Variants in SEMA5A observed in about 807,000 individuals in gnomAD.
SEMA5A encodes the protein semaphorin 5A, also known as semaphorin-5A.
Under a neutral mutation model 135.5 loss-of-function variants are expected in SEMA5A, and 55 were observed. The ratio of observed to expected loss-of-function variants is 0.41; its 90% CI spans 0.33 to 0.51. The LOEUF is 0.51. Among genes scored for constraint, SEMA5A ranks in the 20% least tolerant of loss-of-function variants. The pLI, the probability that SEMA5A is intolerant of heterozygous loss-of-function variation, is 0.37. For synonymous variants in SEMA5A, 580 were observed against 546.5 expected, an observed-to-expected ratio of 1.06 and a Z score of -0.85; for missense variants, 1,290 against 1,419.9, an observed-to-expected ratio of 0.91 and a Z score of 1.47.
chr5:9,483,111 G>T (rs976387209), intron 1 of SEMA5A, among the ~76,000 whole-genome samples: 1 of 152,096 alleles, frequency 6.6e-6, no homozygotes, highest in Non-Finnish European at 1.5e-5. Flanking sequence ...TGCTGTTCAT[G>T]GCATTTAGTG....
intron 11 of SEMA5A, among the ~76,000 whole-genome samples, chr5:9,181,763 C>G (rs1175563558): frequency 2.0e-5 from 3 of 152,102 alleles, no homozygotes; most frequent in African/African-American, 7.2e-5. Context: ...TTTACAGATG[C>G]ATTTCCCCAT....
chr5:9,385,727 G>A (rs1320501595), intron 2 of SEMA5A, among the ~76,000 whole-genome samples: 1 of 150,246 alleles, frequency 6.7e-6, no homozygotes, highest in Non-Finnish European at 1.5e-5. Context: ...ATTAGGAACA[G>A]TTACAGATTG....
At chr5:9,062,442 A>G (rs1179729398) in intron 18 of SEMA5A, among the ~76,000 whole-genome samples, 1 of 152,190 alleles carries the variant, frequency 6.6e-6, no homozygotes, top group Non-Finnish European at 1.5e-5. Context: ...AGGTGATGAC[A>G]TCACACAAGA....
chr5:9,040,918 G>C lies in SEMA5A; in HGVS notation c.*1979C>G, dbSNP rs1010872697. On this transcript the variant is annotated 3_prime_UTR_variant, in exon 23 of 23. Coordinates refer to ENST00000382496, the MANE Select transcript of SEMA5A (RefSeq NM_003966.3). ...TTTTCTTACAAGAAACTGATGAGATGAGTTGAAATATCTGATGATGAAAAT... is the reference window on the plus strand; with the variant it reads ...TTTTCTTACAAGAAACTGATGAGATCAGTTGAAATATCTGATGATGAAAAT... The C allele has an allele frequency of 6.6e-6, 1 of 152,238 alleles. No individual in the cohort carries two copies. Among genetic ancestry groups the C allele is most frequent in the Non-Finnish European group, 1.5e-5 (1 of 68,042 alleles). The allele number at this position is 152,238 out of a possible 1,614,324, so 9.4% of individuals were successfully genotyped here.
At chr5:9,053,549 T>C (rs964128452) in intron 19 of SEMA5A, among the ~76,000 whole-genome samples, 6 of 152,132 alleles carry the variant, frequency 3.9e-5, no homozygotes, top group Admixed American at 2.0e-4. Flanking sequence ...TTAGAAGTCA[T>C]TCCTGGAACA....
chr5:9,434,453 A>G (rs1227805720), intron 2 of SEMA5A, among the ~76,000 whole-genome samples: 2 of 152,112 alleles, frequency 1.3e-5, no homozygotes, highest in East Asian at 3.8e-4. Context: ...TGTAAAAATA[A>G]TAATACTCCT....
chr5:9,463,897 G>T (rs535286496), intron 1 of SEMA5A, among the ~76,000 whole-genome samples: 3 of 152,164 alleles, frequency 2.0e-5, no homozygotes, highest in African/African-American at 7.2e-5. Flanking sequence ...TTGTGGCTTT[G>T]GGGGAACATT....
chr5:9,046,766 G>C (rs1172424092), intron 21 of SEMA5A, among the ~76,000 whole-genome samples: 1 of 152,220 alleles, frequency 6.6e-6, no homozygotes, highest in Non-Finnish European at 1.5e-5. Flanking sequence ...GGACTTTGGA[G>C]CTGGATCTGC....
At chr5:9,400,519 T>A (rs1282338866) in intron 2 of SEMA5A, among the ~76,000 whole-genome samples, 1 of 51,326 alleles carries the variant, frequency 1.9e-5, no homozygotes, top group Non-Finnish European at 3.8e-5. Flanking sequence ...TTTTTTTTTT[T>A]TTTTTGAGAC....
chr5:9,325,478 G>C (rs1039991538), intron 4 of SEMA5A, among the ~76,000 whole-genome samples: 8 of 151,938 alleles, frequency 5.3e-5, no homozygotes, highest in Admixed American at 5.2e-4. Context: ...AAAGTTTCTT[G>C]CTTACTGACT....
rs3026321 is a variant in SEMA5A, at chr5:9,241,576, A to C, written c.271-3686T>G. ...TACAAAGAGAGCTACAAAAAAAAAA[A>C]AAAAAAAGAAGAGGCTTATGGAAAA... On this transcript the variant is annotated intron_variant, in intron 5 of 22. Coordinates refer to ENST00000382496, the MANE Select transcript of SEMA5A (RefSeq NM_003966.3). Among the ~76,000 whole-genome samples the C allele has an allele frequency of 4.0e-3, 612 of 151,548 alleles. 6 individuals carry two copies. Among genetic ancestry groups the C allele is most frequent in the African/African-American group, 0.014 (570 of 41,406 alleles).
rs1293830982 is a variant in SEMA5A, at chr5:9,037,596, T to C, written c.*5301A>G. The C allele has an allele frequency of 2.6e-5, 4 of 152,172 alleles. No homozygotes were observed. 9.4% of individuals were successfully genotyped at this position (152,172 alleles called of 1,614,324 possible). ...TAGGAAAGGAGTATTTAAAGAGTCGTTTTAGAAATCATCACCAGCAGTTCA... is the reference window on the plus strand; with the variant it reads ...TAGGAAAGGAGTATTTAAAGAGTCGCTTTAGAAATCATCACCAGCAGTTCA... On this transcript the variant is annotated 3_prime_UTR_variant, in exon 23 of 23. Transcript: ENST00000382496.
At chr5:9,236,715 A>G (rs1277704782) in intron 6 of SEMA5A, among the ~76,000 whole-genome samples, 1 of 152,150 alleles carries the variant, frequency 6.6e-6, no homozygotes, top group East Asian at 1.9e-4. Flanking sequence ...CTTCCAGAAA[A>G]TACCCTTCAT....
At chr5:9,100,923 C>A (rs1383436611) in intron 16 of SEMA5A, among the ~76,000 whole-genome samples, 1 of 151,996 alleles carries the variant, frequency 6.6e-6, no homozygotes, top group African/African-American at 2.4e-5. Context: ...AGTGCACAAC[C>A]TGCACAACTG....
chr5:9,079,574 A>C (rs981985569), intron 16 of SEMA5A, among the ~76,000 whole-genome samples: 50 of 152,254 alleles, frequency 3.3e-4, no homozygotes, highest in Middle Eastern at 3.4e-3. Context: ...GCTTCTGCAC[A>C]GCAAAAGAAA....
Position 9,369,113 on chromosome 5 carries a change from T to C in SEMA5A, c.124+10710A>G, listed in dbSNP as rs549564783. On this transcript the variant is annotated intron_variant, in intron 3 of 22. Coordinates refer to ENST00000382496, the MANE Select transcript of SEMA5A (RefSeq NM_003966.3). ...AGTCAGTCTGCAGTGTGTGTGGAGG[T>C]ATCTCACTATGCAGTTATGTCTAAA... is the stretch of plus-strand genomic sequence containing the variant. 1.6e-3 allele frequency among the ~76,000 whole-genome samples: 243 copies of C among 152,348 alleles called. 1 individual carries two copies. Among genetic ancestry groups the C allele is most frequent in the Non-Finnish European group, 2.9e-3 (199 of 68,036 alleles).
chr5:9,211,769 T>A (rs897240515), intron 8 of SEMA5A, among the ~76,000 whole-genome samples: 1 of 152,268 alleles, frequency 6.6e-6, no homozygotes, highest in Non-Finnish European at 1.5e-5. Flanking sequence ...CTCAAGGGTC[T>A]ACTTAATGCT....
chr5:9,283,695 C>T (rs1418811992), intron 5 of SEMA5A, among the ~76,000 whole-genome samples: 3 of 152,210 alleles, frequency 2.0e-5, no homozygotes, highest in Non-Finnish European at 4.4e-5. Flanking sequence ...CCACCTACCA[C>T]ACTCCTTGGC....
chr5:9,111,785 C>T (rs188279569), intron 15 of SEMA5A, among the ~76,000 whole-genome samples: 12 of 152,244 alleles, frequency 7.9e-5, no homozygotes, highest in African/African-American at 2.9e-4. Context: ...TGCTTGGAAG[C>T]CTGTAAGTAT....
Sources: allele counts gnomAD v4.1 joint callset (sites outside exome capture counted in the v4.1 genomes callset), GRCh38; gene constraint gnomAD v4.1.1; transcripts MANE v1.5; gene names NCBI Gene and HGNC (gene_info 2026-07-23, HGNC 2026-07-21).